CA10: variants seen among roughly 807,000 people sequenced by gnomAD.
CA10 encodes the protein carbonic anhydrase-related protein 10.
Under a neutral mutation model 44.2 loss-of-function variants are expected in CA10, and 14 were observed. The observed-to-expected ratio is 0.32, with a 90% CI of 0.21 to 0.50. CA10 has a LOEUF of 0.50. CA10 is among the 20% of genes least tolerant of loss of function. The pLI is 0.99. For missense variants in CA10, 350 were observed against 409.7 expected (o/e 0.85, Z 1.26); for synonymous variants, 159 against 141.6 (o/e 1.12, Z -0.87).
At chr17:52,070,116 G>A (rs576816317) in intron 2 of CA10, among the ~76,000 whole-genome samples, 52 of 152,260 alleles carry the variant, frequency 3.4e-4, no homozygotes, top group African/African-American at 1.2e-3. Flanking sequence ...CAGAGTTGGA[G>A]TTCCCAAAAG....
intron 2 of CA10, among the ~76,000 whole-genome samples, chr17:51,956,980 C>G (rs1452487337): frequency 6.6e-6 from 1 of 152,106 alleles, no homozygotes; most frequent in Non-Finnish European, 1.5e-5. Flanking sequence ...CCAAATGGCA[C>G]CTGGAGTCTT....
At chr17:52,062,037 G>A (rs1987400680) in intron 2 of CA10, among the ~76,000 whole-genome samples, 1 of 149,122 alleles carries the variant, frequency 6.7e-6, no homozygotes. Flanking sequence ...ATGCCGCAAA[G>A]CAAAGCTTTC....
Position 51,839,638 on chromosome 17 carries a change from A to G in CA10, c.279+91352T>C, listed in dbSNP as rs1030120712. ...CTCATTCTGCTCCAGGTATGAACTG[A>G]TAACTAGACATATAAAGTAATGACA... On this transcript the variant is annotated intron_variant, in intron 3 of 8. Transcript: ENST00000451037. 2.0e-5 allele frequency among the ~76,000 whole-genome samples: 3 copies of G among 152,236 alleles called. No individual in the cohort carries two copies. The East Asian group carries it at 5.8e-4, about 29-fold the overall frequency.
chr17:51,899,505 G>A (rs1445408751), intron 3 of CA10, among the ~76,000 whole-genome samples: 2 of 150,352 alleles, frequency 1.3e-5, no homozygotes, highest in East Asian at 2.0e-4. Context: ...ATGTGTAGAT[G>A]AGAAAAATGT....
chr17:51,929,170 A>G (rs1982551151), intron 3 of CA10, among the ~76,000 whole-genome samples: 1 of 152,142 alleles, frequency 6.6e-6, no homozygotes, highest in Non-Finnish European at 1.5e-5. Flanking sequence ...TTAACACTAG[A>G]CTATCTCCCA....
chr17:52,025,733 T>A (rs1567707455), intron 2 of CA10, among the ~76,000 whole-genome samples: 1 of 152,028 alleles, frequency 6.6e-6, no homozygotes, highest in Non-Finnish European at 1.5e-5. Context: ...TGTAGAGAAG[T>A]AAAACATGCA....
chr17:51,959,098 G>A (rs1471793402), intron 2 of CA10, among the ~76,000 whole-genome samples: 2 of 151,988 alleles, frequency 1.3e-5, no homozygotes, highest in Admixed American at 1.3e-4. Context: ...GACAGGAAAT[G>A]CTTCAAGGGA....
chr17:51,992,954 G>T (rs1985095822), intron 2 of CA10, among the ~76,000 whole-genome samples: 1 of 152,104 alleles, frequency 6.6e-6, no homozygotes, highest in Admixed American at 6.6e-5. Context: ...ATTCGATTTT[G>T]TTTACTTGAT....
chr17:51,659,663 T>C (rs1418819737), intron 4 of CA10, among the ~76,000 whole-genome samples: 7 of 152,186 alleles, frequency 4.6e-5, no homozygotes, highest in African/African-American at 1.7e-4. Context: ...TTACCAACAT[T>C]TGTCGAACAC....
chr17:51,823,632 C>T (rs1907899712), intron 3 of CA10, among the ~76,000 whole-genome samples: 1 of 152,156 alleles, frequency 6.6e-6, no homozygotes, highest in South Asian at 2.1e-4. Flanking sequence ...TTCATGCTCC[C>T]ACAGCTGAAC....
chr17:52,153,553 A>G (rs1011974691), intron 1 of CA10, among the ~76,000 whole-genome samples: 1 of 152,180 alleles, frequency 6.6e-6, no homozygotes, highest in East Asian at 1.9e-4. Flanking sequence ...GGTTACAGTT[A>G]TGACTATGCA....
At chr17:51,852,844 T>A (rs1978855400) in intron 3 of CA10, among the ~76,000 whole-genome samples, 2 of 152,180 alleles carry the variant, frequency 1.3e-5, no homozygotes, top group African/African-American at 2.4e-5. Context: ...ATTAATCATG[T>A]TCAGATTACT....
At chr17:51,887,013 C>T (rs773372296) in intron 3 of CA10, among the ~76,000 whole-genome samples, 2 of 152,158 alleles carry the variant, frequency 1.3e-5, no homozygotes, top group Non-Finnish European at 2.9e-5. Context: ...AATCACACCA[C>T]TGTCTTTCCA....
At chr17:51,894,459 T>C (rs573008176) in intron 3 of CA10, among the ~76,000 whole-genome samples, 40 of 152,134 alleles carry the variant, frequency 2.6e-4, no homozygotes, top group Middle Eastern at 3.4e-3. Flanking sequence ...GTGTCATACC[T>C]CCTAAAGAAA....
At chr17:52,116,456 G>T (rs1988899217) in intron 1 of CA10, among the ~76,000 whole-genome samples, 1 of 152,152 alleles carries the variant, frequency 6.6e-6, no homozygotes, top group Admixed American at 6.5e-5. Flanking sequence ...GGGACATGGA[G>T]TTCATGGGTA....
chr17:51,780,249 T>A (rs1460125978), intron 3 of CA10, among the ~76,000 whole-genome samples: 3 of 152,168 alleles, frequency 2.0e-5, no homozygotes, highest in Admixed American at 6.5e-5. Flanking sequence ...TCTCATAGAA[T>A]TTTTAGGGCA....
At chr17:52,079,391 G>A (rs1297095935) in intron 1 of CA10, among the ~76,000 whole-genome samples, 2 of 151,778 alleles carry the variant, frequency 1.3e-5, no homozygotes, top group Non-Finnish European at 2.9e-5. Context: ...CCCGGGAGAC[G>A]GAGGTTGTAG....
intron 3 of CA10, among the ~76,000 whole-genome samples, chr17:51,801,411 G>A (rs572654247): frequency 6.6e-6 from 1 of 152,144 alleles, no homozygotes; most frequent in Non-Finnish European, 1.5e-5. Context: ...TAAGACAGTA[G>A]CTTCATTGTT....
chr17:52,049,753 T>G (rs1987006813), intron 2 of CA10, among the ~76,000 whole-genome samples: 1 of 152,124 alleles, frequency 6.6e-6, no homozygotes, highest in Non-Finnish European at 1.5e-5. Flanking sequence ...GTTTCACAAG[T>G]GCATCAAAAT....
Sources: allele counts gnomAD v4.1 joint callset (sites outside exome capture counted in the v4.1 genomes callset), GRCh38; gene constraint gnomAD v4.1.1; transcripts MANE v1.5; gene names NCBI Gene and HGNC (gene_info 2026-07-23, HGNC 2026-07-21).